JARID2: variants seen among roughly 807,000 people sequenced by gnomAD.
JARID2 encodes protein Jumonji.
A neutral mutation model predicts 125.6 loss-of-function variants in JARID2; 21 were observed. The observed-to-expected ratio is 0.17, with a 90% confidence interval of 0.12 to 0.24. The LOEUF is 0.24. JARID2 is among the 10% of genes least tolerant of loss of function. The probability of loss-of-function intolerance (pLI) is 1.00; values close to 1 mark genes in which losing one functional copy is unlikely to be tolerated. For synonymous variants in JARID2, 736 were observed against 661.6 expected (o/e 1.11, Z -1.73); for missense variants, 1,303 against 1,639.6 (o/e 0.79, Z 3.55).
chr6:15,513,442 C>G lies in JARID2; in HGVS notation c.3450+20C>G. ...TCCATGGTGAGCCCGCCTGGCCCTG[C>G]CGGCGCCCTCGCATGTAGTGCTTGG... On this transcript the variant is annotated intron_variant, in intron 16 of 17. Transcript: ENST00000341776. 6.4e-7 allele frequency: 1 copy of G among 1,553,960 alleles called. No homozygotes were observed. Among genetic ancestry groups the G allele is most frequent in the Non-Finnish European group, 8.8e-7 (1 of 1,139,030 alleles).
rs777889447 is a variant in JARID2, at chr6:15,496,860, C to T, written c.1635C>T (p.Gly545=). Residue 545 remains glycine, a synonymous_variant, in exon 7 of 18, where the codon GGC becomes GGT. Transcript: ENST00000341776. ...KPQDSGKAEK[G]GGKAGWAAMD... is the part of the protein sequence containing the mutation. ...AGGACTCGGGCAAGGCCGAGAAGGG[C>T]GGCGGCAAGGCCGGGTGGGCGGCCA... 1.4e-5 allele frequency: 22 copies of T among 1,600,452 alleles called. No individual in the cohort carries two copies. The highest frequency in any genetic ancestry group is 3.4e-5 in the Admixed American group (2 of 59,436).
At chr6:15,248,103 C>G in intron 1 of JARID2, 1 of 985,262 alleles carries the variant, frequency 1.0e-6, no homozygotes, top group Non-Finnish European at 1.2e-6. Context: ...GATCGTGTCT[C>G]CGAGTCCGGG....
intron 1 of JARID2, among the ~76,000 whole-genome samples, chr6:15,366,517 G>A (rs1349074291): frequency 3.8e-5 from 5 of 131,036 alleles, no homozygotes; most frequent in East Asian, 2.3e-4. Flanking sequence ...GGCGGGGGGG[G>A]CGGGGGGGGT....
chr6:15,447,381 A>G (rs557747689), intron 3 of JARID2, among the ~76,000 whole-genome samples: 1 of 80,776 alleles, frequency 1.2e-5, no homozygotes, highest in African/African-American at 5.2e-5. Context: ...AGAATTAATA[A>G]AAAAAACACA....
rs57296791 is a variant in JARID2, at chr6:15,433,410, C to CTGTGTGTGTGTGTG, written c.324-18568_324-18555dup. On this transcript the variant is annotated intron_variant, in intron 3 of 17. Coordinates refer to ENST00000341776, the MANE Select transcript of JARID2 (RefSeq NM_004973.4). ...CCTCCTCCCCAACCCCCATGTCTCT[C>CTGTGTGTGTGTGTG]TGTGTGTGTGTGTGTGTGTGTGTGT... Among the ~76,000 whole-genome samples, 527 of 143,506 alleles carry CTGTGTGTGTGTGTG rather than the reference C, an allele frequency of 3.7e-3. 5 individuals are homozygous for CTGTGTGTGTGTGTG. The highest frequency in any genetic ancestry group is 0.014 in the East Asian group (66 of 4,714). The allele number at this position is 143,506 out of a possible 152,430, so 94.1% of individuals were successfully genotyped here.
chr6:15,367,826 TAC>T (rs1366694073), intron 1 of JARID2, among the ~76,000 whole-genome samples: 2 of 152,202 alleles, frequency 1.3e-5, no homozygotes, highest in African/African-American at 4.8e-5. Flanking sequence ...TTGCTGTTAG[TAC>T]AATCATGATG....
intron 1 of JARID2, among the ~76,000 whole-genome samples, chr6:15,253,068 T>C (rs1156770606): frequency 7.2e-6 from 1 of 139,352 alleles, no homozygotes; most frequent in Non-Finnish European, 1.5e-5. Flanking sequence ...TTAATAAGGA[T>C]TTTTTTTTTT....
At chr6:15,433,921 GGTGTGTGTGTGTGTGTGTGTGTGT>G (rs146025914) in intron 3 of JARID2, among the ~76,000 whole-genome samples, 61 of 131,382 alleles carry the variant, frequency 4.6e-4, no homozygotes, top group African/African-American at 1.3e-3. Context: ...CACTCTCCAG[GGTGTGTGTGTGTGTGTGTGTGTGT>G]GTGTGTGTGT....
At chr6:15,412,318 G>A (rs112889497) in intron 3 of JARID2, among the ~76,000 whole-genome samples, 1 of 151,920 alleles carries the variant, frequency 6.6e-6, no homozygotes, top group African/African-American at 2.4e-5. Flanking sequence ...TTTTTGGGGG[G>A]GTTGAGGGAG....
intron 1 of JARID2, among the ~76,000 whole-genome samples, chr6:15,261,784 A>ATTT (rs58582193): frequency 1.3e-4 from 18 of 134,844 alleles, no homozygotes; most frequent in African/African-American, 4.4e-4. Context: ...AAATTCAGGG[A>ATTT]TTTTTTTTTT....
intron 1 of JARID2, among the ~76,000 whole-genome samples, chr6:15,326,942 G>T (rs1454026117): frequency 6.6e-6 from 1 of 152,176 alleles, no homozygotes; most frequent in African/African-American, 2.4e-5. Flanking sequence ...ATACTGGTTG[G>T]GTTGATAAAA....
chr6:15,510,610 C>A (rs965598657), intron 12 of JARID2, among the ~76,000 whole-genome samples: 2 of 152,220 alleles, frequency 1.3e-5, no homozygotes, highest in African/African-American at 2.4e-5. Context: ...AGCCCTTGAT[C>A]CTCCTGTGTG....
chr6:15,277,931 T>C (rs1159784902), intron 1 of JARID2, among the ~76,000 whole-genome samples: 2 of 151,936 alleles, frequency 1.3e-5, no homozygotes, highest in African/African-American at 4.8e-5. Flanking sequence ...CTGTAAACAG[T>C]GTAAGGGAAA....
At chr6:15,249,058 C>T (rs1241547355) in intron 1 of JARID2, 1 of 588,456 alleles carries the variant, frequency 1.7e-6, no homozygotes, top group Non-Finnish European at 2.1e-6. Flanking sequence ...GAGGCGCCTC[C>T]TTTCTGCAGG....
chr6:15,508,754 A>C (rs1379451968), intron 12 of JARID2, among the ~76,000 whole-genome samples: 2 of 152,014 alleles, frequency 1.3e-5, no homozygotes, highest in South Asian at 2.1e-4. Flanking sequence ...AGAATTACCT[A>C]CTTACGTCTG....
rs779013579 is a variant in JARID2 at position 15,468,711 on chromosome 6, C to T, written c.663C>T (p.Asn221=). 2.5e-5 allele frequency: 40 copies of T among 1,610,640 alleles called. No individual in the cohort carries two copies. The highest frequency in any genetic ancestry group is 1.2e-4 in the Admixed American group (7 of 59,426). ...RKGKTHKHVH[N]GHVFNGSSRS... ...GAAAAACCCACAAACATGTTCACAA[C>T]GGGCATGGTAGGTCCACCGTTGAAC... Residue 221 remains asparagine (N), a synonymous_variant, in exon 5 of 18, where the codon AAC becomes AAT. Transcript: ENST00000341776.
At chr6:15,471,019 A>G (rs1246044156) in intron 5 of JARID2, among the ~76,000 whole-genome samples, 1 of 152,236 alleles carries the variant, frequency 6.6e-6, no homozygotes, top group Non-Finnish European at 1.5e-5. Context: ...GACTAGTCTG[A>G]AATAAAGGAA....
At chr6:15,373,793 A>T (rs1561820415) in intron 1 of JARID2, among the ~76,000 whole-genome samples, 1 of 152,236 alleles carries the variant, frequency 6.6e-6, no homozygotes, top group Non-Finnish European at 1.5e-5. Context: ...GGTTGTGGGT[A>T]TAACAACACC....
chr6:15,401,564 C>A (rs1765435947), intron 2 of JARID2, among the ~76,000 whole-genome samples: 1 of 152,164 alleles, frequency 6.6e-6, no homozygotes, highest in Non-Finnish European at 1.5e-5. Flanking sequence ...CTTTCTTTTT[C>A]TTCCTCCATC....
Sources: gnomAD v4.1 joint callset for allele counts (sites outside exome capture counted in the v4.1 genomes callset) on GRCh38, gnomAD v4.1.1 for gene constraint, MANE v1.5 for transcripts, NCBI Gene and HGNC (gene_info 2026-07-23, HGNC 2026-07-21) for gene names.